NRG1: variants seen among roughly 807,000 people sequenced by gnomAD.
The protein encoded by NRG1 is neuregulin 1, also known as pro-neuregulin-1, membrane-bound isoform.
Under a neutral mutation model 63.8 loss-of-function variants are expected in NRG1, and 18 were observed. That is an observed-to-expected ratio of 0.28 (90% CI 0.19 to 0.42). NRG1 has a LOEUF of 0.42. NRG1 is among the 10% of genes least tolerant of loss of function. The probability of loss-of-function intolerance (pLI) is 1.00; values close to 1 mark genes in which losing one functional copy is unlikely to be tolerated. For missense variants in NRG1, 762 were observed against 814.7 expected, an observed-to-expected ratio of 0.94 and a Z score of 0.79; for synonymous variants, 302 against 301.3, an observed-to-expected ratio of 1.00 and a Z score of -0.02.
intron 1 of NRG1, among the ~76,000 whole-genome samples, chr8:32,384,495 A>G (rs1400170352): frequency 2.6e-5 from 4 of 152,166 alleles, no homozygotes; most frequent in Non-Finnish European, 4.4e-5. Flanking sequence ...GGTTTGTTCT[A>G]TGGACCAAAC....
chr8:32,333,559 G>A (rs1008398542), intron 1 of NRG1, among the ~76,000 whole-genome samples: 3 of 151,980 alleles, frequency 2.0e-5, no homozygotes, highest in African/African-American at 4.8e-5. Context: ...GTCTTGAATC[G>A]GTTCTCAATA....
chr8:32,193,259 G>A (rs544761421), intron 1 of NRG1, among the ~76,000 whole-genome samples: 16 of 152,050 alleles, frequency 1.1e-4, no homozygotes, highest in Non-Finnish European at 1.8e-4. Flanking sequence ...CCCTGTTGAT[G>A]ATGATAATGA....
intron 1 of NRG1, among the ~76,000 whole-genome samples, chr8:32,387,064 G>C (rs941220836): frequency 2.6e-5 from 4 of 152,172 alleles, no homozygotes; most frequent in African/African-American, 4.8e-5. Context: ...CTAAAAGTTA[G>C]TAGACTTCAG....
At chr8:32,511,999 A>T (rs1829275573) in intron 1 of NRG1, among the ~76,000 whole-genome samples, 1 of 152,156 alleles carries the variant, frequency 6.6e-6, no homozygotes, top group Non-Finnish European at 1.5e-5. Context: ...CCTGCCCAGC[A>T]CATGCCAGGT....
intron 1 of NRG1, among the ~76,000 whole-genome samples, chr8:31,660,533 A>G (rs1012835956): frequency 2.6e-5 from 4 of 152,226 alleles, no homozygotes; most frequent in Admixed American, 2.6e-4. Context: ...ATTTGGAAAA[A>G]CAATTAAAAC....
intron 1 of NRG1, among the ~76,000 whole-genome samples, chr8:32,024,687 A>G (rs950816472): frequency 7.9e-5 from 12 of 152,254 alleles, no homozygotes; most frequent in Non-Finnish European, 1.3e-4. Flanking sequence ...CATGAAATCA[A>G]GAAAGAACTG....
intron 1 of NRG1, among the ~76,000 whole-genome samples, chr8:32,179,869 T>C (rs16878932): frequency 0.03 from 4,593 of 152,290 alleles, 202 homozygotes; most frequent in African/African-American, 0.1. Flanking sequence ...CGGAGCATCT[T>C]TGTAATTTAC....
chr8:31,668,058 T>G (rs1399348889), intron 1 of NRG1, among the ~76,000 whole-genome samples: 1 of 152,174 alleles, frequency 6.6e-6, no homozygotes, highest in Non-Finnish European at 1.5e-5. Flanking sequence ...CATTTCAAGG[T>G]CAAAAGATGG....
intron 5 of NRG1, among the ~76,000 whole-genome samples, chr8:32,726,690 T>C (rs1335477279): frequency 6.6e-6 from 1 of 152,104 alleles, no homozygotes; most frequent in Non-Finnish European, 1.5e-5. Flanking sequence ...AATTAGGTTA[T>C]GTGTCACAAC....
At chr8:32,760,862 C>T (rs747402883) in intron 11 of NRG1, 8 of 1,001,020 alleles carry the variant, frequency 8.0e-6, no homozygotes, top group Non-Finnish European at 9.5e-6. Flanking sequence ...CTTCCAGCCT[C>T]AGTTAAGTCA....
At chr8:32,719,948 T>C (rs959940669) in intron 5 of NRG1, among the ~76,000 whole-genome samples, 2 of 152,134 alleles carry the variant, frequency 1.3e-5, no homozygotes, top group Non-Finnish European at 2.9e-5. Flanking sequence ...CTTTCTAATT[T>C]CATCAAAGGT....
rs547638475 is a variant in NRG1, at chr8:31,715,870, T to C, written c.37+76439T>C. Among the ~76,000 whole-genome samples the C allele has an allele frequency of 1.7e-4, 26 of 152,310 alleles. No individual in the cohort carries two copies. In the East Asian group the frequency reaches 5.0e-3, roughly 29 times the overall value. On this transcript the variant is annotated intron_variant, in intron 1 of 10. Transcript: ENST00000519301. ...TCTAGGTATCAAAGGGCAGGGAGGT[T>C]TTACCTGACATATGAATTATTGTTT...
intron 1 of NRG1, among the ~76,000 whole-genome samples, chr8:31,735,084 TTC>T (rs577195556): frequency 4.7e-4 from 72 of 152,190 alleles, no homozygotes; most frequent in African/African-American, 1.7e-3. Flanking sequence ...GTATTACTAA[TTC>T]TACTGGGGGA....
At chr8:32,595,266 TG>T (rs1337837769) in intron 1 of NRG1, among the ~76,000 whole-genome samples, 1 of 152,148 alleles carries the variant, frequency 6.6e-6, no homozygotes, top group African/African-American at 2.4e-5. Flanking sequence ...CATGGCTCAC[TG>T]CAGCATTGAC....
At chr8:32,104,036 A>C (rs1389983063) in intron 1 of NRG1, among the ~76,000 whole-genome samples, 1 of 152,234 alleles carries the variant, frequency 6.6e-6, no homozygotes, top group Non-Finnish European at 1.5e-5. Context: ...AAATATAGAC[A>C]TGTGGTGCTT....
In NRG1 at chr8:31,640,177, TC is replaced by T; in HGVS notation, c.37+750del. On this transcript the variant is annotated intron_variant, in intron 1 of 10. Transcript: ENST00000519301. This position sits in a 1 kb window ranked among gnomAD's most constrained non-coding sequence, Gnocchi z 6.3. ...CGCGGGGGCCTCGGTGTGCTACTCG[TC>T]CCCGCCCAGCGTGGGATCGGTGCAG... The T allele has an allele frequency of 5.1e-6, 6 of 1,186,170 alleles. No individual in the cohort carries two copies. Among genetic ancestry groups the T allele is most frequent in the Non-Finnish European group, 6.3e-6 (6 of 958,228 alleles). The allele number at this position is 1,186,170 out of a possible 1,614,324, so 73.5% of individuals were successfully genotyped here. A position where few individuals can be genotyped will look rare whatever the true frequency, so the allele number is the denominator to read the frequency against.
chr8:32,242,345 G>A (rs963775149), intron 1 of NRG1, among the ~76,000 whole-genome samples: 6 of 151,846 alleles, frequency 4.0e-5, no homozygotes, highest in Non-Finnish European at 8.8e-5. Context: ...GTGGTGGTGG[G>A]CGCCTATAAT....
intron 3 of NRG1, among the ~76,000 whole-genome samples, chr8:32,608,112 T>G (rs201473903): frequency 0.15 from 20,671 of 138,770 alleles, 2,019 homozygotes; most frequent in Admixed American, 0.22. Context: ...TTTTTGTTTT[T>G]TTTTTTTTTT....
At chr8:32,661,674 C>A (rs1211997806) in intron 5 of NRG1, among the ~76,000 whole-genome samples, 1 of 148,008 alleles carries the variant, frequency 6.8e-6, no homozygotes, top group Non-Finnish European at 1.5e-5. Flanking sequence ...TTAGATAATT[C>A]TTTAATGGTG....
Sources: allele counts gnomAD v4.1 joint callset (sites outside exome capture counted in the v4.1 genomes callset), GRCh38; gene constraint gnomAD v4.1.1; non-coding constraint Gnocchi (gnomAD v3.1); transcripts MANE v1.5; gene names NCBI Gene and HGNC (gene_info 2026-07-23, HGNC 2026-07-21).